DGKD: variants seen among roughly 807,000 people sequenced by gnomAD.
DGKD encodes diacylglycerol kinase delta.
A neutral mutation model predicts 154.4 loss-of-function variants in DGKD; 68 were observed. That is an observed-to-expected ratio of 0.44 (90% confidence interval 0.36 to 0.54). DGKD has a LOEUF of 0.54. Ranked by LOEUF, DGKD falls within the 20% of genes least tolerant of loss-of-function variation. The pLI is 0.00. For synonymous variants in DGKD, 693 were observed against 638.0 expected (o/e 1.09, Z -1.30); for missense variants, 1,343 against 1,593.6 (o/e 0.84, Z 2.68).
Position 233,432,406 on chromosome 2 carries a change from T to C in DGKD, c.349-1974T>C, listed in dbSNP as rs896731416. The stretch of plus-strand genomic sequence containing the variant: ...CGGGCGTGGTTGCTCACGCCTGTAA[T>C]CCCAGCACTTTGGAAGGCCAAGGTG... On this transcript the variant is annotated intron_variant, in intron 3 of 29. Coordinates refer to ENST00000264057, the MANE Select transcript of DGKD (RefSeq NM_152879.3). Among the ~76,000 whole-genome samples, 39 of 141,654 alleles carry C rather than the reference T, an allele frequency of 2.8e-4. 1 individual carries two copies. The highest frequency in any genetic ancestry group is 9.4e-4 in the African/African-American group (34 of 36,168). The allele number at this position is 141,654 out of a possible 152,430, so 92.9% of individuals were successfully genotyped here. A position where few individuals can be genotyped will look rare whatever the true frequency, so the allele number is the denominator to read the frequency against.
Position 233,441,540 on chromosome 2 carries a change from C to T in DGKD, c.1086-347C>T, listed in dbSNP as rs1330686232. Reference sequence around the variant, plus strand: ...GGTGGGCTCACATGGTTAGGGGCCACGGCAGGCTGTGCCCGTGAGCCTGGC... The same window carrying T: ...GGTGGGCTCACATGGTTAGGGGCCATGGCAGGCTGTGCCCGTGAGCCTGGC... On this transcript the variant is annotated intron_variant, in intron 9 of 29. Transcript: ENST00000264057. This position sits in a 1 kb window ranked among gnomAD's most constrained non-coding sequence, Gnocchi z 5.6. Among the ~76,000 whole-genome samples, 3 of 152,180 alleles carry T rather than the reference C, an allele frequency of 2.0e-5. No individual in the cohort carries two copies. Among genetic ancestry groups the T allele is most frequent in the Non-Finnish European group, 4.4e-5 (3 of 68,014 alleles).
Position 233,434,816 on chromosome 2 carries a change from C to T in DGKD, c.501C>T (p.Tyr167=), listed in dbSNP as rs558000890. 9.3e-6 allele frequency: 15 copies of T among 1,614,232 alleles called. No individual in the cohort carries two copies. The highest frequency in any genetic ancestry group is 1.3e-5 in the African/African-American group (1 of 75,052). ...ACTTCTCAGGGATGCACAATTGGTA[C>T]GCCTGTTCCCACGCGAGGCCGACCT... ...MDHFSGMHNW[Y]ACSHARPTYC... Residue 167 remains tyrosine, a synonymous_variant, in exon 5 of 30, where the codon TAC becomes TAT. Transcript: ENST00000264057.
At chr2:233,444,112 G>C (rs901454156) in intron 10 of DGKD, among the ~76,000 whole-genome samples, 1 of 152,074 alleles carries the variant, frequency 6.6e-6, no homozygotes, top group Non-Finnish European at 1.5e-5. Flanking sequence ...GCTGAGCCTT[G>C]GGCCTCTCTG....
chr2:233,451,126 C>T, intron 17 of DGKD, 76 bp downstream of exon 17: 5 of 1,501,142 alleles, frequency 3.3e-6, no homozygotes, highest in Non-Finnish European at 4.5e-6. Context: ...AAGAGATGGG[C>T]TCGCTGCCCT....
Position 233,438,591 on chromosome 2 carries a change from C to T in DGKD, c.1085+212C>T, listed in dbSNP as rs1182327018. 2.0e-5 allele frequency among the ~76,000 whole-genome samples: 3 copies of T among 152,194 alleles called. No individual in the cohort carries two copies. Among genetic ancestry groups the T allele is most frequent in the Admixed American group, 6.5e-5 (1 of 15,284 alleles). On this transcript the variant is annotated intron_variant, in intron 9 of 29. Transcript: ENST00000264057. This position sits in a 1 kb window ranked among gnomAD's most constrained non-coding sequence, Gnocchi z 4.1. Reference sequence around the variant, plus strand: ...TGAACACAGTGCGCGTGTGCACACACGTACATACATCCATGTACACACACC... The same window carrying T: ...TGAACACAGTGCGCGTGTGCACACATGTACATACATCCATGTACACACACC...
chr2:233,426,330 A>C (rs1294234522), intron 3 of DGKD, among the ~76,000 whole-genome samples: 2 of 152,112 alleles, frequency 1.3e-5, no homozygotes, highest in Non-Finnish European at 2.9e-5. Flanking sequence ...GTTTTTGAGA[A>C]ATCCCAAGTT....
intron 3 of DGKD, among the ~76,000 whole-genome samples, chr2:233,398,302 C>G (rs1398294113): frequency 6.6e-6 from 1 of 151,782 alleles, no homozygotes; most frequent in African/African-American, 2.4e-5. Flanking sequence ...CCACCACGCC[C>G]GACTAATTTT....
At chr2:233,419,242 T>G in intron 3 of DGKD, 1 of 985,704 alleles carries the variant, frequency 1.0e-6, no homozygotes, top group Non-Finnish European at 1.2e-6. Context: ...CCTTTGCCCC[T>G]CTTTTGGTTG....
intron 24 of DGKD, among the ~76,000 whole-genome samples, chr2:233,460,840 C>T (rs1225427584): frequency 6.6e-6 from 1 of 152,000 alleles, no homozygotes; most frequent in African/African-American, 2.4e-5. Context: ...TGCAGTGAGC[C>T]GAGATAGCGC....
chr2:233,410,984 C>CT (rs989105374), intron 3 of DGKD, among the ~76,000 whole-genome samples: 18 of 148,176 alleles, frequency 1.2e-4, no homozygotes, highest in East Asian at 7.8e-4. Flanking sequence ...GCATGTACTA[C>CT]TTTTTTTTTT....
intron 3 of DGKD, among the ~76,000 whole-genome samples, chr2:233,421,809 T>A (rs866907318): frequency 3.9e-5 from 6 of 152,272 alleles, no homozygotes; most frequent in African/African-American, 1.4e-4. Flanking sequence ...GTCTTTAATT[T>A]ACTGCCTGCA....
intron 16 of DGKD, among the ~76,000 whole-genome samples, 189 bp downstream of exon 16, chr2:233,450,320 G>A (rs961888355): frequency 6.6e-6 from 1 of 152,044 alleles, no homozygotes; most frequent in Non-Finnish European, 1.5e-5. Context: ...GGGTGTGTGC[G>A]GTCTGTCTTG....
At chr2:233,393,336 T>C (rs967861768) in intron 3 of DGKD, among the ~76,000 whole-genome samples, 887 of 40,170 alleles carry the variant, frequency 0.022, 9 homozygotes, top group African/African-American at 0.093. Flanking sequence ...CCTGTTTCCT[T>C]TTTTTTTTTT....
chr2:233,452,386 C>T lies in DGKD; in HGVS notation c.2264+326C>T, dbSNP rs2063323074. On this transcript the variant is annotated intron_variant, in intron 18 of 29. Coordinates refer to ENST00000264057, the MANE Select transcript of DGKD (RefSeq NM_152879.3). This position sits in a 1 kb window ranked among gnomAD's most constrained non-coding sequence, Gnocchi z 4.0. Reference sequence around the variant, plus strand: ...TGCCAGGAGCTGCCCTTGTGCTGCTCTTCGTGGTCACTCTCCCATGATCTT... The same window carrying T: ...TGCCAGGAGCTGCCCTTGTGCTGCTTTTCGTGGTCACTCTCCCATGATCTT... 1.3e-5 allele frequency among the ~76,000 whole-genome samples: 2 copies of T among 152,320 alleles called. No homozygotes were observed. The highest frequency in any genetic ancestry group is 4.1e-4 in the South Asian group (2 of 4,822).
At chr2:233,387,395 C>T (rs942711337) in intron 1 of DGKD, among the ~76,000 whole-genome samples, 17 of 152,092 alleles carry the variant, frequency 1.1e-4, no homozygotes, top group African/African-American at 2.4e-4. Flanking sequence ...GTGCGAACGC[C>T]GAGAGCCAGG....
intron 25 of DGKD, 22 bp downstream of exon 25, chr2:233,462,481 G>A (rs747025567): frequency 6.3e-7 from 1 of 1,584,714 alleles, no homozygotes; most frequent in African/African-American, 1.3e-5. Context: ...GGCCTTTTCA[G>A]TCCTGGCTTC....
At position 233,459,631 on chromosome 2, in the gene DGKD, G is replaced by C; in HGVS notation, c.2695-126G>C. ...CAGGCGGAGCGCCATCCCAGAGGCA[G>C]AGGTGGGGTGTCCTGCAAGGCAGGG... On this transcript the variant is annotated intron_variant, in intron 22 of 29. Coordinates refer to ENST00000264057, the MANE Select transcript of DGKD (RefSeq NM_152879.3). The surrounding 1 kb of genome is among the most constrained non-coding windows in gnomAD (Gnocchi z 5.7). 3.1e-6 allele frequency: 4 copies of C among 1,295,318 alleles called. No homozygotes were observed. The highest frequency in any genetic ancestry group is 4.2e-6 in the Non-Finnish European group (4 of 949,176). 80.2% of individuals were successfully genotyped at this position (1,295,318 alleles called of 1,614,324 possible).
chr2:233,449,049 G>A lies in DGKD; in HGVS notation c.1615-54G>A. 6.5e-7 allele frequency: 1 copy of A among 1,529,996 alleles called. No homozygotes were observed. The highest frequency in any genetic ancestry group is 2.3e-5 in the East Asian group (1 of 43,772). The allele number at this position is 1,529,996 out of a possible 1,614,324, so 94.8% of individuals were successfully genotyped here. A position where few individuals can be genotyped will look rare whatever the true frequency, so the allele number is the denominator to read the frequency against. ...TGAAATGGCCTGAGGTTCCCTGCCT[G>A]CAGACCCTGTTCTCCTGCCTCAGCT... On this transcript the variant is annotated intron_variant, in intron 14 of 29. Coordinates refer to ENST00000264057, the MANE Select transcript of DGKD (RefSeq NM_152879.3). The surrounding 1 kb of genome is among the most constrained non-coding windows in gnomAD (Gnocchi z 5.3).
chr2:233,424,906 G>T (rs759314142), intron 3 of DGKD, among the ~76,000 whole-genome samples: 8 of 152,104 alleles, frequency 5.3e-5, no homozygotes, highest in Non-Finnish European at 1.2e-4. Flanking sequence ...TTTTCCATTT[G>T]AGAAATCACG....
Sources: gnomAD v4.1 joint callset for allele counts (sites outside exome capture counted in the v4.1 genomes callset) on GRCh38, gnomAD v4.1.1 for gene constraint, Gnocchi (gnomAD v3.1) non-coding constraint, MANE v1.5 for transcripts, NCBI Gene and HGNC (gene_info 2026-07-23, HGNC 2026-07-21) for gene names.